Variants in CEACAM21 observed in about 807,000 individuals in gnomAD.
CEACAM21 encodes the protein cell adhesion molecule CEACAM21.
A neutral mutation model predicts 33.2 loss-of-function variants in CEACAM21; 38 were observed. The observed-to-expected ratio is 1.14, with a 90% CI of 0.88 to 1.50. The LOEUF is 1.50. Among genes scored for constraint, CEACAM21 ranks in the 40% most tolerant of loss-of-function variants. CEACAM21 has a pLI of 0.00. For missense variants in CEACAM21, 385 were observed against 364.6 expected, an observed-to-expected ratio of 1.06 and a Z score of -0.46; for synonymous variants, 156 against 143.0, an observed-to-expected ratio of 1.09 and a Z score of -0.65.
intron 5 of CEACAM21, 91 bp from the exon 6 acceptor site, chr19:41,585,749 A>G (rs1053639588): frequency 2.1e-5 from 29 of 1,352,062 alleles, no homozygotes; most frequent in African/African-American, 2.9e-5. Context: ...CCTCTCCCCA[A>G]TTCTCTAAGA....
chr19:41,557,049 A>G (rs2041577590), intron 1 of CEACAM21, among the ~76,000 whole-genome samples: 1 of 152,206 alleles, frequency 6.6e-6, no homozygotes, highest in Non-Finnish European at 1.5e-5. Flanking sequence ...TAGTGATTCA[A>G]TCCAACACCT....
chr19:41,573,219 C>T (rs1208564060), upstream of CEACAM21, among the ~76,000 whole-genome samples: 1 of 152,242 alleles, frequency 6.6e-6, no homozygotes, highest in Non-Finnish European at 1.5e-5. Flanking sequence ...CCGTCCCTGT[C>T]TAACCCCTCC....
At chr19:41,574,431 C>A (rs142632788), upstream of CEACAM21, among the ~76,000 whole-genome samples, 1 of 152,242 alleles carries the variant, frequency 6.6e-6, no homozygotes, top group East Asian at 1.9e-4. Context: ...AAAAATTTTG[C>A]AAATCATGTA....
At chr19:41,585,599 G>C in intron 5 of CEACAM21, 104 bp downstream of exon 5, 2 of 1,287,066 alleles carry the variant, frequency 1.6e-6, no homozygotes, top group East Asian at 2.3e-5. Context: ...TATCCCTGGG[G>C]CTGCAAAGAG....
chr19:41,563,616 T>C (rs1167965469), intron 1 of CEACAM21, among the ~76,000 whole-genome samples: 1 of 152,140 alleles, frequency 6.6e-6, no homozygotes, highest in Non-Finnish European at 1.5e-5. Flanking sequence ...GGACGGAAAA[T>C]TCCGCGTGAA....
In CEACAM21 at chr19:41,563,305, T is replaced by C. The variant is rs782578015; in HGVS notation, c.-778-1377T>C. Among the ~76,000 whole-genome samples, 156 of 152,280 alleles carry C rather than the reference T, an allele frequency of 1.0e-3. 2 individuals carry two copies. In the Middle Eastern group the frequency reaches 0.017, roughly 17 times the overall value. On this transcript the variant is annotated intron_variant, in intron 1 of 7. Transcript: ENST00000407170. ...ATTGCAGCAGCCCAGCCAGGTCCTA[T>C]GCGAGGCCACCGCTGTCCTGGCCAC...
intron 1 of CEACAM21, 105 bp downstream of exon 1, chr19:41,576,443 TAG>T: frequency 2.4e-6 from 3 of 1,261,292 alleles, no homozygotes; most frequent in Non-Finnish European, 3.2e-6. Flanking sequence ...GGGCTTTTGT[TAG>T]AGACTCAGGG....
In CEACAM21 at chr19:41,557,477, G is replaced by C. The variant is rs565452077; in HGVS notation, c.-778-7205G>C. Among the ~76,000 whole-genome samples, 3 of 152,270 alleles carry C rather than the reference G, an allele frequency of 2.0e-5. No homozygotes were observed. The East Asian group carries it at 5.8e-4, about 29-fold the overall frequency. On this transcript the variant is annotated intron_variant, in intron 1 of 7. Transcript: ENST00000407170. ...CAATTGTGATGTGGGGTCCTGTCGG[G>C]TTCGATATCACAAGCAGTATCAGCA... is the stretch of plus-strand genomic sequence containing the variant.
At chr19:41,584,247 G>T in intron 3 of CEACAM21, 100 bp from the exon 4 acceptor site, 1 of 972,310 alleles carries the variant, frequency 1.0e-6, no homozygotes, top group Non-Finnish European at 1.6e-6. Context: ...AGGCTCCATG[G>T]CATTTCCTTC....
chr19:41,576,187 G>A lies in CEACAM21; in HGVS notation c.-88G>A. On this transcript the variant is annotated 5_prime_UTR_variant, in exon 1 of 7. Transcript: ENST00000401445. The stretch of plus-strand genomic sequence containing the variant: ...CAGCATAGAGGAAGGAAGGACAGCA[G>A]AGACAACAGTCACAGTAACCCTGTC... 6.7e-7 allele frequency: 1 copy of A among 1,486,692 alleles called. No individual in the cohort carries two copies. Among genetic ancestry groups the A allele is most frequent in the South Asian group, 1.1e-5 (1 of 87,444 alleles). 92.1% of individuals were successfully genotyped at this position (1,486,692 alleles called of 1,614,324 possible). A position where few individuals can be genotyped will look rare whatever the true frequency, so the allele number is the denominator to read the frequency against.
chr19:41,580,687 C>T (rs2043310657), intron 3 of CEACAM21, among the ~76,000 whole-genome samples: 1 of 152,206 alleles, frequency 6.6e-6, no homozygotes, highest in South Asian at 2.1e-4. Context: ...TCCCCAGATG[C>T]ACCACACTCC....
intron 1 of CEACAM21, chr19:41,564,548 C>T (rs553040686): frequency 4.8e-4 from 73 of 152,304 alleles, no homozygotes; most frequent in African/African-American, 1.8e-3. Flanking sequence ...TTTCACATTT[C>T]GCCCTCTGCC....
intron 3 of CEACAM21, among the ~76,000 whole-genome samples, chr19:41,580,044 G>A (rs1555793010): frequency 6.6e-6 from 1 of 152,060 alleles, no homozygotes; most frequent in Non-Finnish European, 1.5e-5. Context: ...AGCAGACTTT[G>A]GTTACATTTT....
chr19:41,586,467 T>G lies in CEACAM21; in HGVS notation c.*4T>G. ...GACCTCTTCTCTGTTTTTACAGGAA[T>G]TGCTACACTCTGACACAAACATTTA... On this transcript the variant is annotated 3_prime_UTR_variant, in exon 7 of 7. Transcript: ENST00000401445. The G allele has an allele frequency of 1.6e-6, 1 of 633,784 alleles. No homozygotes were observed. Among genetic ancestry groups the G allele is most frequent in the Non-Finnish European group, 3.0e-6 (1 of 329,704 alleles). The allele number at this position is 633,784 out of a possible 1,614,324, so 39.3% of individuals were successfully genotyped here.
At chr19:41,561,081 A>G (rs1164313207) in intron 1 of CEACAM21, among the ~76,000 whole-genome samples, 1 of 152,254 alleles carries the variant, frequency 6.6e-6, no homozygotes, top group Non-Finnish European at 1.5e-5. Flanking sequence ...ATATTGTTAG[A>G]ATCAAAAGAT....
chr19:41,575,387 C>A (rs1371924048), upstream of CEACAM21, among the ~76,000 whole-genome samples: 1 of 152,198 alleles, frequency 6.6e-6, no homozygotes, highest in Non-Finnish European at 1.5e-5. Context: ...AACAAACACT[C>A]GCCCTGATCA....
At chr19:41,563,618 C>T (rs1397103041) in intron 1 of CEACAM21, among the ~76,000 whole-genome samples, 2 of 152,234 alleles carry the variant, frequency 1.3e-5, no homozygotes, top group Admixed American at 1.3e-4. Context: ...ACGGAAAATT[C>T]CGCGTGAAAG....
At position 41,585,511 on chromosome 19, in the gene CEACAM21, G is replaced by A; in HGVS notation, c.850+16G>A. On this transcript the variant is annotated intron_variant, in intron 5 of 6. Coordinates refer to ENST00000401445, the MANE Select transcript of CEACAM21 (RefSeq NM_001098506.4). The stretch of plus-strand genomic sequence containing the variant: ...TCCACCCCCGGTGAGTGTCCCTTCA[G>A]TCTGGGTGTGGCTGGGAACTACTAA... 1.2e-6 allele frequency: 2 copies of A among 1,613,672 alleles called. No homozygotes were observed. The highest frequency in any genetic ancestry group is 1.7e-6 in the Non-Finnish European group (2 of 1,179,708).
At chr19:41,577,839 C>T (rs2043069187) in intron 2 of CEACAM21, among the ~76,000 whole-genome samples, 1 of 152,202 alleles carries the variant, frequency 6.6e-6, no homozygotes, top group Non-Finnish European at 1.5e-5. Context: ...CCCTTGGCCT[C>T]CTCCTCATAG....
Sources: gnomAD v4.1 joint callset for allele counts (sites outside exome capture counted in the v4.1 genomes callset) on GRCh38, gnomAD v4.1.1 for gene constraint, MANE v1.5 for transcripts, NCBI Gene and HGNC (gene_info 2026-07-23, HGNC 2026-07-21) for gene names.